AP4S1: variants seen among roughly 807,000 people sequenced by gnomAD.
AP4S1 encodes the protein AP-4 complex subunit sigma-1.
Under a neutral mutation model 19.8 loss-of-function variants are expected in AP4S1, and 23 were observed. The observed-to-expected ratio is 1.16, with a 90% CI of 0.84 to 1.65. The LOEUF is 1.65. Ranked by LOEUF, AP4S1 falls within the 40% of genes most tolerant of loss-of-function variation. The pLI, the probability that AP4S1 is intolerant of heterozygous loss-of-function variation, is 0.00. For synonymous variants in AP4S1, 46 were observed against 54.1 expected (o/e 0.85, Z 0.66); for missense variants, 166 against 172.8 (o/e 0.96, Z 0.22).
intron 1 of AP4S1, among the ~76,000 whole-genome samples, chr14:31,049,428 A>AAATATATAT (rs1384450221): frequency 1.6e-4 from 9 of 57,738 alleles, no homozygotes; most frequent in African/African-American, 7.1e-4. Flanking sequence ...AAAAAAAAAA[A>AAATATATAT]ATATATATAT....
At chr14:31,062,435 C>T (rs1248551072) in intron 1 of AP4S1, among the ~76,000 whole-genome samples, 2 of 152,110 alleles carry the variant, frequency 1.3e-5, no homozygotes, top group Non-Finnish European at 2.9e-5. Context: ...AGGAATCACC[C>T]TCCTCAGGGT....
At chr14:31,040,234 C>G (rs1491003480) in intron 1 of AP4S1, among the ~76,000 whole-genome samples, 3 of 151,372 alleles carry the variant, frequency 2.0e-5, no homozygotes, top group Admixed American at 2.0e-4. Context: ...AGGCTGCAAC[C>G]TCAACCTCCC....
At chr14:31,033,632 CAG>C in intron 1 of AP4S1, among the ~76,000 whole-genome samples, 1 of 152,310 alleles carries the variant, frequency 6.6e-6, no homozygotes, top group South Asian at 2.1e-4. Context: ...GCATGTGTAA[CAG>C]AAAGGAGGCA....
At chr14:31,066,766 G>T (rs1362677566) in intron 2 of AP4S1, among the ~76,000 whole-genome samples, 1 of 152,042 alleles carries the variant, frequency 6.6e-6, no homozygotes, top group Admixed American at 6.6e-5. Context: ...TTGTGCCAGA[G>T]GATAATAATA....
At chr14:31,026,022 G>C (rs1159726816) in intron 1 of AP4S1, 1 of 1,541,552 alleles carries the variant, frequency 6.5e-7, no homozygotes, top group East Asian at 2.5e-5. Flanking sequence ...GGACAGCTCG[G>C]GGCCTGCCGC....
At chr14:31,074,728 T>A (rs1047461316) in intron 4 of AP4S1, among the ~76,000 whole-genome samples, 7 of 151,974 alleles carry the variant, frequency 4.6e-5, no homozygotes, top group African/African-American at 1.7e-4. Context: ...GAGGCAAGCA[T>A]CTCTAGTGAC....
chr14:31,061,735 C>G (rs968480873), intron 1 of AP4S1, among the ~76,000 whole-genome samples: 2 of 151,988 alleles, frequency 1.3e-5, no homozygotes, highest in Non-Finnish European at 2.9e-5. Flanking sequence ...CTCTGCCTCC[C>G]GGGTTCAAGT....
At chr14:31,081,036 C>T (rs1290960072) in intron 5 of AP4S1, among the ~76,000 whole-genome samples, 1 of 152,198 alleles carries the variant, frequency 6.6e-6, no homozygotes, top group African/African-American at 2.4e-5. Context: ...AGGTGATCCA[C>T]CCACCTCGGC....
At chr14:31,026,336 G>C (rs1198292990) in intron 1 of AP4S1, 45 of 747,346 alleles carry the variant, frequency 6.0e-5, no homozygotes, top group Non-Finnish European at 7.6e-6. Flanking sequence ...GTGGGTCAGA[G>C]CAGGGAGCTG....
chr14:31,072,832 C>A, intron 3 of AP4S1, 73 bp from the exon 4 acceptor site: 2 of 1,259,644 alleles, frequency 1.6e-6, no homozygotes, highest in Non-Finnish European at 2.3e-6. Context: ...TGGACACTGA[C>A]TGGGAAGTTC....
intron 1 of AP4S1, among the ~76,000 whole-genome samples, chr14:31,047,180 G>A (rs1389532989): frequency 6.6e-6 from 1 of 152,000 alleles, no homozygotes; most frequent in Non-Finnish European, 1.5e-5. Context: ...TTCATTGTCT[G>A]TTTTTTAATT....
intron 1 of AP4S1, chr14:31,026,999 TC>T (rs1324425262): frequency 6.6e-6 from 1 of 152,270 alleles, no homozygotes; most frequent in Non-Finnish European, 1.5e-5. Flanking sequence ...TACTGATTCC[TC>T]GTCTCTGTCT....
intron 1 of AP4S1, among the ~76,000 whole-genome samples, chr14:31,064,779 A>G (rs566150156): frequency 5.3e-5 from 8 of 152,256 alleles, no homozygotes; most frequent in Admixed American, 2.0e-4. Context: ...ATATAGTGAA[A>G]CCTCATCTCT....
At chr14:31,084,195 C>A (rs1394679715) in intron 5 of AP4S1, among the ~76,000 whole-genome samples, 1 of 152,192 alleles carries the variant, frequency 6.6e-6, no homozygotes, top group African/African-American at 2.4e-5. Context: ...CCTTGTCAGC[C>A]CACATGGGAC....
At chr14:31,069,981 C>T (rs769241959) in intron 3 of AP4S1, 52 bp downstream of exon 3, 4 of 1,428,316 alleles carry the variant, frequency 2.8e-6, no homozygotes, top group East Asian at 2.3e-5. Context: ...TTCTACTTGC[C>T]TCCCTAAGAA....
chr14:31,050,382 G>A lies in AP4S1; in HGVS notation c.-71-15744G>A, dbSNP rs147515702. ...GCCTATTTGTTTATTTTTTTACTTG[G>A]AGTGTTCTTCAGTGTTACCCCATCT... On this transcript the variant is annotated intron_variant, in intron 1 of 5. Transcript: ENST00000542754. Among the ~76,000 whole-genome samples, 834 of 151,974 alleles carry A rather than the reference G, an allele frequency of 5.5e-3. 5 individuals are homozygous for A. The highest frequency in any genetic ancestry group is 0.019 in the African/African-American group (796 of 41,450).
chr14:31,083,862 C>A (rs539988109), intron 5 of AP4S1, among the ~76,000 whole-genome samples: 4 of 152,104 alleles, frequency 2.6e-5, no homozygotes, highest in Non-Finnish European at 5.9e-5. Context: ...CATACATAGT[C>A]CTTTTAAACC....
At chr14:31,046,392 T>A (rs1371227182) in intron 1 of AP4S1, among the ~76,000 whole-genome samples, 1 of 152,230 alleles carries the variant, frequency 6.6e-6, no homozygotes, top group Non-Finnish European at 1.5e-5. Flanking sequence ...TAATAGGTAG[T>A]ATTTCTGCAT....
In AP4S1 at chr14:31,033,874, G is replaced by T. The variant is rs531508110; in HGVS notation, c.-72+8087G>T. ...TGTAGTCCAAGTTTATTCTGTAATT[G>T]TCTCCTGGGTATGAGTAAGAAAAAA... is the stretch of plus-strand genomic sequence containing the variant. On this transcript the variant is annotated intron_variant, in intron 1 of 5. Coordinates refer to ENST00000542754, the MANE Select transcript of AP4S1 (RefSeq NM_001128126.3). 2.6e-5 allele frequency among the ~76,000 whole-genome samples: 4 copies of T among 152,248 alleles called. No homozygotes were observed. In the South Asian group the frequency reaches 8.3e-4, roughly 32 times the overall value.
Sources: allele counts gnomAD v4.1 joint callset (sites outside exome capture counted in the v4.1 genomes callset), GRCh38; gene constraint gnomAD v4.1.1; transcripts MANE v1.5; gene names NCBI Gene and HGNC (gene_info 2026-07-23, HGNC 2026-07-21).